Variants in DCC observed in about 807,000 individuals in gnomAD.
DCC encodes the protein netrin receptor DCC.
A neutral mutation model predicts 172.5 loss-of-function variants in DCC; 58 were observed. The observed-to-expected ratio is 0.34, with a 90% CI of 0.27 to 0.42. The LOEUF (loss-of-function observed/expected upper bound fraction) is 0.42. Ranked by LOEUF, DCC falls within the 10% of genes least tolerant of loss-of-function variation. The pLI is 1.00. For missense variants in DCC, 1,740 were observed against 1,791.0 expected, an observed-to-expected ratio of 0.97 and a Z score of 0.51; for synonymous variants, 709 against 644.5, an observed-to-expected ratio of 1.10 and a Z score of -1.52.
intron 1 of DCC, among the ~76,000 whole-genome samples, chr18:52,378,911 C>G (rs1185397916): frequency 6.6e-6 from 1 of 152,128 alleles, no homozygotes; most frequent in African/African-American, 2.4e-5. Flanking sequence ...GCAATAGACT[C>G]TTTCCCTCTT....
intron 1 of DCC, among the ~76,000 whole-genome samples, chr18:52,364,878 G>A (rs1480890193): frequency 1.3e-5 from 2 of 152,094 alleles, no homozygotes; most frequent in African/African-American, 4.8e-5. Flanking sequence ...GAGTTTCTTG[G>A]GTGATCCTTT....
At chr18:53,340,828 A>G (rs572196933) in intron 15 of DCC, among the ~76,000 whole-genome samples, 1 of 152,280 alleles carries the variant, frequency 6.6e-6, no homozygotes, top group Non-Finnish European at 1.5e-5. Context: ...TTGGGCAGGC[A>G]GGGTGTAGGG....
At chr18:53,074,552 T>C (rs933763136) in intron 7 of DCC, among the ~76,000 whole-genome samples, 3 of 152,224 alleles carry the variant, frequency 2.0e-5, no homozygotes, top group Admixed American at 2.0e-4. Context: ...ATGGTACATT[T>C]ATTCAATAAA....
At chr18:53,266,062 G>A in intron 12 of DCC, among the ~76,000 whole-genome samples, 1 of 152,220 alleles carries the variant, frequency 6.6e-6, no homozygotes, top group South Asian at 2.1e-4. Context: ...CTGCTCTGGG[G>A]TCTTCCTCAC....
At chr18:52,857,159 G>T (rs928333425) in intron 2 of DCC, among the ~76,000 whole-genome samples, 20 of 152,154 alleles carry the variant, frequency 1.3e-4, no homozygotes, top group African/African-American at 4.8e-4. Context: ...TTCTTAAATA[G>T]ATTCAATACT....
At chr18:52,485,576 C>T (rs73955700) in intron 1 of DCC, among the ~76,000 whole-genome samples, 8,712 of 152,126 alleles carry the variant, frequency 0.057, 309 homozygotes, top group South Asian at 0.12. Context: ...TTTATCCACT[C>T]CCCACCCCAA....
intron 16 of DCC, among the ~76,000 whole-genome samples, chr18:53,388,067 T>G (rs979962541): frequency 6.6e-6 from 1 of 152,210 alleles, no homozygotes; most frequent in Admixed American, 6.5e-5. Flanking sequence ...ACACCAGTGA[T>G]CCAGGCAATT....
At chr18:52,832,517 G>T (rs541118604) in intron 2 of DCC, among the ~76,000 whole-genome samples, 2 of 151,980 alleles carry the variant, frequency 1.3e-5, no homozygotes, top group Non-Finnish European at 2.9e-5. Flanking sequence ...CGTCTTCCGT[G>T]GACTCGTTTA....
intron 5 of DCC, among the ~76,000 whole-genome samples, chr18:53,002,571 T>G (rs2041582399): frequency 6.6e-6 from 1 of 152,138 alleles, no homozygotes; most frequent in Admixed American, 6.6e-5. Flanking sequence ...AATCAACTCA[T>G]TTCTGATTAA....
intron 24 of DCC, among the ~76,000 whole-genome samples, chr18:53,463,729 A>T (rs1426165579): frequency 1.3e-5 from 2 of 152,210 alleles, no homozygotes; most frequent in Non-Finnish European, 1.5e-5. Flanking sequence ...GGACCAAAAA[A>T]ATCTGACCCC....
chr18:52,536,206 G>A (rs1337192888), intron 1 of DCC, among the ~76,000 whole-genome samples: 3 of 152,068 alleles, frequency 2.0e-5, no homozygotes, highest in Non-Finnish European at 4.4e-5. Flanking sequence ...GTATATGTCG[G>A]AGCCAGATTG....
At chr18:53,513,419 C>A (rs956059178) in intron 27 of DCC, among the ~76,000 whole-genome samples, 12 of 152,120 alleles carry the variant, frequency 7.9e-5, no homozygotes, top group African/African-American at 1.4e-4. Flanking sequence ...CGAGCAAAAT[C>A]ACCAGCTAAC....
intron 19 of DCC, among the ~76,000 whole-genome samples, chr18:53,406,350 C>T (rs1280913898): frequency 6.6e-6 from 1 of 151,730 alleles, no homozygotes; most frequent in African/African-American, 2.4e-5. Flanking sequence ...TTTTTATTCC[C>T]TTTGTTACTT....
At chr18:53,235,037 C>T (rs757809024) in intron 12 of DCC, among the ~76,000 whole-genome samples, 1 of 152,130 alleles carries the variant, frequency 6.6e-6, no homozygotes, top group Non-Finnish European at 1.5e-5. Context: ...CCATTCTTTT[C>T]ATTCTAATGT....
At chr18:53,244,849 C>T (rs2056346922) in intron 12 of DCC, among the ~76,000 whole-genome samples, 1 of 152,080 alleles carries the variant, frequency 6.6e-6, no homozygotes, top group African/African-American at 2.4e-5. Context: ...GTGTGTGATA[C>T]TGTCTATGAG....
chr18:53,455,471 A>T (rs1018624216), intron 23 of DCC, among the ~76,000 whole-genome samples: 3 of 152,122 alleles, frequency 2.0e-5, no homozygotes, highest in Non-Finnish European at 4.4e-5. Context: ...AGGAAAAAAA[A>T]CTCCCCTTAC....
rs186657446 is a variant in DCC at position 52,727,785 on chromosome 18, C to T, written c.92-24269C>T. 4.5e-3 allele frequency among the ~76,000 whole-genome samples: 691 copies of T among 152,054 alleles called. 4 individuals are homozygous for T. Among genetic ancestry groups the T allele is most frequent in the African/African-American group, 0.016 (657 of 41,456 alleles). On this transcript the variant is annotated intron_variant, in intron 1 of 28. Transcript: ENST00000442544. ...GGTGGTGCCGGCTGGAATGGCAGGG[C>T]TGAAATGTACACATTTGTTATTGGA...
chr18:53,038,368 G>A (rs1391633212), intron 5 of DCC, among the ~76,000 whole-genome samples: 3 of 151,876 alleles, frequency 2.0e-5, no homozygotes, highest in African/African-American at 7.3e-5. Context: ...TTATTTCCCA[G>A]AGACAGCACT....
intron 12 of DCC, among the ~76,000 whole-genome samples, chr18:53,230,990 G>A (rs1360130811): frequency 6.6e-6 from 1 of 150,604 alleles, no homozygotes; most frequent in African/African-American, 2.4e-5. Flanking sequence ...TAAAATTGGT[G>A]TTTTTTTTTC....
Sources: allele counts gnomAD v4.1 joint callset (sites outside exome capture counted in the v4.1 genomes callset), GRCh38; gene constraint gnomAD v4.1.1; transcripts MANE v1.5; gene names NCBI Gene and HGNC (gene_info 2026-07-23, HGNC 2026-07-21).